ALG9: variants seen among roughly 807,000 people sequenced by gnomAD.
The protein encoded by ALG9 is ALG9 alpha-1,2-mannosyltransferase, also known as alpha-1,2-mannosyltransferase ALG9.
Under a neutral mutation model 81.8 loss-of-function variants are expected in ALG9, and 55 were observed. The observed-to-expected ratio is 0.67, with a 90% CI of 0.54 to 0.84. The LOEUF (loss-of-function observed/expected upper bound fraction) is 0.84, where lower values mean the gene tolerates loss of function less well. ALG9 is among the 40% of genes least tolerant of loss of function. ALG9 has a pLI of 0.00. For missense variants in ALG9, 629 were observed against 745.0 expected, an observed-to-expected ratio of 0.84 and a Z score of 1.81; for synonymous variants, 278 against 274.3, an observed-to-expected ratio of 1.01 and a Z score of -0.13.
At chr11:111,841,724 CTAATT>C (rs1956247577) in intron 9 of ALG9, among the ~76,000 whole-genome samples, 1 of 152,192 alleles carries the variant, frequency 6.6e-6, no homozygotes, top group Admixed American at 6.5e-5. Context: ...TTAGCTATGC[CTAATT>C]TAGCATTCCT....
In ALG9 at chr11:111,865,443, T is replaced by C. The variant is rs988998444; in HGVS notation, c.406-192A>G. On this transcript the variant is annotated intron_variant, in intron 3 of 14. Coordinates refer to ENST00000616540, the MANE Select transcript of ALG9 (RefSeq NM_024740.2). ...TACCTACTTCTATCACTCCAGCTGG[T>C]GGGGGTTGGGAGGTAGAGCTCCATT... is the stretch of plus-strand genomic sequence containing the variant. Among the ~76,000 whole-genome samples the C allele has an allele frequency of 3.3e-5, 5 of 152,064 alleles. No homozygotes were observed. The East Asian group carries it at 7.7e-4, about 23-fold the overall frequency.
At chr11:111,806,440 C>T (rs889113594) in intron 14 of ALG9, among the ~76,000 whole-genome samples, 8 of 152,192 alleles carry the variant, frequency 5.3e-5, no homozygotes, top group South Asian at 2.1e-4. Flanking sequence ...TTATCAACAG[C>T]TTCTGACACA....
chr11:111,773,736 C>T, the ALG9 span, among the ~76,000 whole-genome samples: 5 of 144,366 alleles, frequency 3.5e-5, no homozygotes, highest in African/African-American at 7.8e-5. Flanking sequence ...ATGGCTAATA[C>T]GAAAATCATC....
chr11:111,859,509 AAAAAGAAAAG>A (rs561930644), intron 5 of ALG9, among the ~76,000 whole-genome samples: 1 of 152,180 alleles, frequency 6.6e-6, no homozygotes, highest in Non-Finnish European at 1.5e-5. Flanking sequence ...TGTCTCAAAA[AAAAAGAAAAG>A]AAAAGAAAAG....
intron 10 of ALG9, among the ~76,000 whole-genome samples, chr11:111,838,925 G>A (rs989912907): frequency 2.4e-4 from 36 of 152,038 alleles, no homozygotes; most frequent in Non-Finnish European, 7.4e-5. Flanking sequence ...GAATTCTGCT[G>A]TCTTTGAGTA....
chr11:111,871,091 C>G, intron 1 of ALG9: 5 of 1,209,568 alleles, frequency 4.1e-6, no homozygotes, highest in Non-Finnish European at 5.1e-6. Flanking sequence ...GAGGCTGTGC[C>G]CACTCTAGGC....
intron 14 of ALG9, among the ~76,000 whole-genome samples, chr11:111,792,714 CAG>C (rs1438563802): frequency 6.6e-6 from 1 of 152,064 alleles, no homozygotes; most frequent in Non-Finnish European, 1.5e-5. Flanking sequence ...CTAGTTAAGA[CAG>C]AACACAAAAC....
intron 13 of ALG9, among the ~76,000 whole-genome samples, chr11:111,834,677 T>TTCCTAAAGCAAAGC (rs2136781631): frequency 6.6e-6 from 1 of 152,280 alleles, no homozygotes; most frequent in Non-Finnish European, 1.5e-5. Context: ...TTACTACCTC[T>TTCCTAAAGCAAAGC]TCCTAAAGCA....
chr11:111,807,800 A>C (rs635148), intron 14 of ALG9, among the ~76,000 whole-genome samples: 7 of 151,986 alleles, frequency 4.6e-5, no homozygotes. Flanking sequence ...CAAAAAAAAA[A>C]TTTTTTGTTA....
At chr11:111,858,681 G>A (rs1187885924) in intron 5 of ALG9, among the ~76,000 whole-genome samples, 1 of 152,164 alleles carries the variant, frequency 6.6e-6, no homozygotes, top group Non-Finnish European at 1.5e-5. Flanking sequence ...TAGTAACTCT[G>A]AACAAAAATG....
intron 14 of ALG9, among the ~76,000 whole-genome samples, chr11:111,790,764 A>C (rs1213228661): frequency 6.6e-6 from 1 of 152,252 alleles, no homozygotes; most frequent in Non-Finnish European, 1.5e-5. Context: ...ATGCAAGACT[A>C]GACACAATTT....
At chr11:111,862,857 A>G (rs1960824278) in intron 4 of ALG9, among the ~76,000 whole-genome samples, 1 of 152,044 alleles carries the variant, frequency 6.6e-6, no homozygotes, top group Non-Finnish European at 1.5e-5. Flanking sequence ...CCTATTTCCC[A>G]ATAAATGAAG....
intron 1 of ALG9, 33 bp downstream of exon 1, chr11:111,871,319 G>C: frequency 1.4e-6 from 2 of 1,389,666 alleles, no homozygotes; most frequent in Non-Finnish European, 1.8e-6. Flanking sequence ...CGCCCCGCCG[G>C]CCGGCCACGC....
chr11:111,868,659 G>C lies in ALG9; in HGVS notation c.348C>G (p.Tyr116Ter), dbSNP rs1555155586. The C allele has an allele frequency of 1.2e-6, 2 of 1,613,884 alleles. No individual in the cohort carries two copies. Residue 116 changes from tyrosine (Y) to a stop codon, truncating the protein, a stop_gained, in exon 3 of 15, where the codon TAC becomes TAG. Transcript: ENST00000616540. LOFTEE classifies it high-confidence loss of function. Reference protein sequence around the residue: ...SPAYAIRSYAYLLLHAWPAAF... With the variant: ...SPAYAIRSYA ...CAGCTGGCCAGGCATGAAGCAACAGGTAAGCATAGGAGCGAATGGCATATG... is the reference window on the plus strand; with the variant it reads ...CAGCTGGCCAGGCATGAAGCAACAGCTAAGCATAGGAGCGAATGGCATATG...
chr11:111,833,593 C>T (rs1954749633), intron 13 of ALG9, among the ~76,000 whole-genome samples: 1 of 152,118 alleles, frequency 6.6e-6, no homozygotes, highest in Admixed American at 6.6e-5. Flanking sequence ...GCATTGAAGC[C>T]AAAGGCTGGC....
Position 111,786,531 on chromosome 11 carries a change from AG to A in ALG9, c.1734-12del. On this transcript the variant is annotated splice_polypyrimidine_tract_variant and intron_variant, in intron 14 of 14. Coordinates refer to ENST00000616540, the MANE Select transcript of ALG9 (RefSeq NM_024740.2). ...AGCAGCTTTGAAGATCTGAAAAACA[AG>A]GGATAAAAAAAAGAATTTTATCACT... 3 of 1,613,750 alleles carry A rather than the reference AG, an allele frequency of 1.9e-6. No homozygotes were observed. Among genetic ancestry groups the A allele is most frequent in the Non-Finnish European group, 2.5e-6 (3 of 1,179,724 alleles).
intron 8 of ALG9, among the ~76,000 whole-genome samples, chr11:111,846,227 A>C (rs781834043): frequency 3.9e-5 from 6 of 152,220 alleles, no homozygotes; most frequent in Admixed American, 6.5e-5. Context: ...CCAGTGCGGA[A>C]GCAGGGCTAG....
chr11:111,789,558 T>G (rs1347322486), intron 14 of ALG9, among the ~76,000 whole-genome samples: 1 of 150,986 alleles, frequency 6.6e-6, no homozygotes, highest in Non-Finnish European at 1.5e-5. Context: ...AACTTAAAAA[T>G]AGGTTGGACG....
intron 1 of ALG9, 132 bp from the exon 2 acceptor site, chr11:111,870,502 A>C: frequency 8.5e-7 from 1 of 1,172,450 alleles, no homozygotes; most frequent in Non-Finnish European, 1.1e-6. Context: ...TTCACCTAAA[A>C]AGGTGAATAG....
Sources: gnomAD v4.1 joint callset for allele counts (sites outside exome capture counted in the v4.1 genomes callset) on GRCh38, gnomAD v4.1.1 for gene constraint, MANE v1.5 for transcripts, NCBI Gene and HGNC (gene_info 2026-07-23, HGNC 2026-07-21) for gene names.